The following MSL2 variants were observed in gnomAD, a reference collection of about 807,000 sequenced individuals.
MSL2 encodes the protein E3 ubiquitin-protein ligase MSL2.
A neutral mutation model predicts 35.8 loss-of-function variants in MSL2; 2 were observed. That is an observed-to-expected ratio of 0.06 (90% CI 0.02 to 0.18). MSL2 has a LOEUF of 0.18. Among genes scored for constraint, MSL2 ranks in the 10% least tolerant of loss-of-function variants. The pLI, the probability that MSL2 is intolerant of heterozygous loss-of-function variation, is 1.00. For missense variants in MSL2, 523 were observed against 706.7 expected (o/e 0.74, Z 2.95); for synonymous variants, 296 against 255.7 (o/e 1.16, Z -1.50).
chr3:136,157,036 G>A (rs928458758), intron 1 of MSL2, among the ~76,000 whole-genome samples: 2 of 152,122 alleles, frequency 1.3e-5, no homozygotes, highest in African/African-American at 2.4e-5. Flanking sequence ...AGTAAAAATA[G>A]AAAATATAAA....
Position 136,195,136 on chromosome 3 carries a change from G to A in MSL2, c.-23C>T, listed in dbSNP as rs771826380. The A allele has an allele frequency of 1.8e-5, 29 of 1,569,876 alleles. No individual in the cohort carries two copies. The South Asian group carries it at 2.4e-4, about 13-fold the overall frequency. ...CATTGCAGACACTTCGACACCAATG[G>A]CTCCCGGTTGAAAAGAAATTCCGGA... On this transcript the variant is annotated 5_prime_UTR_variant, in exon 1 of 2. Transcript: ENST00000309993.
At chr3:136,165,587 T>G (rs1012507725) in intron 1 of MSL2, among the ~76,000 whole-genome samples, 1 of 152,118 alleles carries the variant, frequency 6.6e-6, no homozygotes, top group African/African-American at 2.4e-5. Context: ...TCTTAATGAG[T>G]GAATCTTTTT....
chr3:136,182,122 A>G (rs946796233), intron 1 of MSL2, among the ~76,000 whole-genome samples: 5 of 152,188 alleles, frequency 3.3e-5, no homozygotes, highest in Non-Finnish European at 7.3e-5. Context: ...ACAGAACTTT[A>G]TGCAACAATG....
Position 136,152,399 on chromosome 3 carries a change from G to T in MSL2, c.482C>A (p.Pro161His). 6.2e-7 allele frequency: 1 copy of T among 1,614,168 alleles called. No homozygotes were observed. The change falls in exon 2 of 2, where the codon CCT (proline) becomes CAT (histidine). Residue 161 changes from proline to histidine, a missense_variant. Physicochemically the swap from Pro to His is moderately conservative, Grantham distance 77 (BLOSUM62 -2). Transcript: ENST00000309993. ...ATCAGTTGTGGGTTCTGAGGTTGAAGGTAAAGGGGAATGTGTCAAACACAA... is the reference window on the plus strand; with the variant it reads ...ATCAGTTGTGGGTTCTGAGGTTGAATGTAAAGGGGAATGTGTCAAACACAA... ...FTLCLTHSPL[P>H]STSEPTTDPQ...
At chr3:136,155,984 A>G (rs1489836167) in intron 1 of MSL2, 1 of 387,100 alleles carries the variant, frequency 2.6e-6, no homozygotes, top group Admixed American at 2.9e-5. Flanking sequence ...TAATGAATAC[A>G]TTTCCATAAT....
intron 1 of MSL2, among the ~76,000 whole-genome samples, chr3:136,191,717 G>A (rs1211068511): frequency 1.3e-5 from 2 of 152,128 alleles, no homozygotes; most frequent in Non-Finnish European, 2.9e-5. Context: ...AGGCTGCAGT[G>A]AGCTAGGATC....
intron 1 of MSL2, among the ~76,000 whole-genome samples, chr3:136,166,349 C>A (rs1221947749): frequency 1.3e-5 from 2 of 151,770 alleles, no homozygotes; most frequent in African/African-American, 4.8e-5. Context: ...GATCGCACCA[C>A]TGCACTCCAG....
At chr3:136,177,354 T>C (rs986546901) in intron 1 of MSL2, among the ~76,000 whole-genome samples, 1 of 152,132 alleles carries the variant, frequency 6.6e-6, no homozygotes. Flanking sequence ...GAATAATTAA[T>C]ATGGCAGATG....
At chr3:136,165,935 G>A (rs1372308066) in intron 1 of MSL2, among the ~76,000 whole-genome samples, 1 of 151,522 alleles carries the variant, frequency 6.6e-6, no homozygotes, top group South Asian at 2.1e-4. Context: ...ATACTTGAGG[G>A]GATTTTACAT....
At position 136,195,832 on chromosome 3, in the gene MSL2, C is replaced by G. The variant is rs1165395357; in HGVS notation, c.-719G>C. On this transcript the variant is annotated 5_prime_UTR_variant, in exon 1 of 2. Coordinates refer to ENST00000309993, the MANE Select transcript of MSL2 (RefSeq NM_018133.4). Reference sequence around the variant, plus strand: ...GGAGTCCTCAACCCGGAGGGGAAGGCCGGGGAGGAAGTGCGCGGGCCGCCG... The same window carrying G: ...GGAGTCCTCAACCCGGAGGGGAAGGGCGGGGAGGAAGTGCGCGGGCCGCCG... 1.0e-6 allele frequency: 1 copy of G among 984,588 alleles called. No homozygotes were observed. Among genetic ancestry groups the G allele is most frequent in the African/African-American group, 1.8e-5 (1 of 57,066 alleles). The allele number at this position is 984,588 out of a possible 1,614,324, so 61.0% of individuals were successfully genotyped here. A position where few individuals can be genotyped will look rare whatever the true frequency, so the allele number is the denominator to read the frequency against.
intron 1 of MSL2, among the ~76,000 whole-genome samples, chr3:136,188,432 GGAA>G (rs1431543083): frequency 6.8e-6 from 1 of 146,734 alleles, no homozygotes; most frequent in Non-Finnish European, 1.5e-5. Context: ...GACTCCATCT[GGAA>G]GAAGAAAAAA....
chr3:136,175,449 G>A (rs1390850691), intron 1 of MSL2, among the ~76,000 whole-genome samples: 2 of 152,008 alleles, frequency 1.3e-5, no homozygotes, highest in African/African-American at 4.8e-5. Context: ...ATTTTGGGAG[G>A]CTGGGGCAGG....
intron 1 of MSL2, among the ~76,000 whole-genome samples, chr3:136,172,762 A>G (rs1038292431): frequency 6.6e-6 from 1 of 152,150 alleles, no homozygotes; most frequent in Non-Finnish European, 1.5e-5. Flanking sequence ...GTACGTCTTC[A>G]GTTCAAGAGC....
intron 1 of MSL2, among the ~76,000 whole-genome samples, chr3:136,189,169 G>A (rs1357023164): frequency 1.5e-5 from 2 of 129,676 alleles, no homozygotes; most frequent in Admixed American, 8.4e-5. Context: ...GCATGGTACC[G>A]CACGCCTACA....
intron 1 of MSL2, among the ~76,000 whole-genome samples, chr3:136,156,162 A>G (rs1294706479): frequency 6.6e-6 from 1 of 152,230 alleles, no homozygotes; most frequent in Non-Finnish European, 1.5e-5. Context: ...ATGTTCTTTT[A>G]AACAACTGAA....
chr3:136,195,774 A>G lies in MSL2; in HGVS notation c.-661T>C. 1.0e-6 allele frequency: 1 copy of G among 984,740 alleles called. No individual in the cohort carries two copies. The highest frequency in any genetic ancestry group is 1.2e-6 in the Non-Finnish European group (1 of 829,764). The allele number at this position is 984,740 out of a possible 1,614,324, so 61.0% of individuals were successfully genotyped here. On this transcript the variant is annotated 5_prime_UTR_variant, in exon 1 of 2. Coordinates refer to ENST00000309993, the MANE Select transcript of MSL2 (RefSeq NM_018133.4). ...CCTGGCTCTCCGCCCCGTGGGTTGC[A>G]GCCCGCAGTTCCCCGAGGTGGCGAG...
At chr3:136,159,684 C>T (rs1209457354) in intron 1 of MSL2, among the ~76,000 whole-genome samples, 1 of 151,864 alleles carries the variant, frequency 6.6e-6, no homozygotes, top group Non-Finnish European at 1.5e-5. Flanking sequence ...AGAGTATTTT[C>T]AACATACCAT....
intron 1 of MSL2, among the ~76,000 whole-genome samples, chr3:136,184,903 A>G (rs1006074474): frequency 1.5e-4 from 23 of 152,088 alleles, no homozygotes; most frequent in African/African-American, 5.6e-4. Flanking sequence ...CTGTTGCAAA[A>G]CCTCATACTT....
chr3:136,182,354 C>T (rs1236853987), intron 1 of MSL2, among the ~76,000 whole-genome samples: 2 of 152,172 alleles, frequency 1.3e-5, no homozygotes, highest in African/African-American at 4.8e-5. Context: ...TTGGAATAAT[C>T]AGATTTACTC....
Sources: gnomAD v4.1 joint callset for allele counts (sites outside exome capture counted in the v4.1 genomes callset) on GRCh38, gnomAD v4.1.1 for gene constraint, MANE v1.5 for transcripts, NCBI Gene and HGNC (gene_info 2026-07-23, HGNC 2026-07-21) for gene names.